The following MAML3 variants were observed in gnomAD, a reference collection of about 807,000 sequenced individuals.
MAML3 encodes the protein mastermind like transcriptional coactivator 3.
Under a neutral mutation model 101.9 loss-of-function variants are expected in MAML3, and 27 were observed. That is an observed-to-expected ratio of 0.27 (90% confidence interval 0.20 to 0.37). The LOEUF (loss-of-function observed/expected upper bound fraction) is 0.37. Among genes scored for constraint, MAML3 ranks in the 10% least tolerant of loss-of-function variants. The probability of loss-of-function intolerance (pLI) is 1.00; values close to 1 mark genes in which losing one functional copy is unlikely to be tolerated. For synonymous variants in MAML3, 501 were observed against 555.9 expected (o/e 0.90, Z 1.39); for missense variants, 1,316 against 1,444.9 (o/e 0.91, Z 1.45).
At chr4:140,067,796 C>T (rs1460935535) in intron 1 of MAML3, among the ~76,000 whole-genome samples, 6 of 148,852 alleles carry the variant, frequency 4.0e-5, no homozygotes, top group East Asian at 2.0e-4. Flanking sequence ...TGCAACAGCA[C>T]GATCTCTGCT....
chr4:139,944,715 C>T (rs1392380871), intron 1 of MAML3, among the ~76,000 whole-genome samples: 1 of 146,300 alleles, frequency 6.8e-6, no homozygotes, highest in African/African-American at 2.5e-5. Flanking sequence ...TCATCACTGG[C>T]CATCAGAGAA....
intron 1 of MAML3, among the ~76,000 whole-genome samples, chr4:140,103,505 T>C (rs1358428446): frequency 1.3e-5 from 2 of 152,226 alleles, no homozygotes. Flanking sequence ...TTTATGTGTG[T>C]GTTTGTTGTG....
intron 1 of MAML3, among the ~76,000 whole-genome samples, chr4:140,003,488 G>T (rs1461307110): frequency 1.3e-5 from 2 of 152,170 alleles, no homozygotes; most frequent in Admixed American, 6.5e-5. Context: ...CATGTCAGGG[G>T]CCAAGGATGA....
At chr4:139,832,547 C>T (rs991708902) in intron 2 of MAML3, among the ~76,000 whole-genome samples, 10 of 152,172 alleles carry the variant, frequency 6.6e-5, no homozygotes, top group South Asian at 2.1e-4. Context: ...GCACCGTCCA[C>T]CTTTATTCAC....
intron 1 of MAML3, among the ~76,000 whole-genome samples, chr4:140,061,982 T>C (rs1002485939): frequency 2.0e-5 from 3 of 152,170 alleles, no homozygotes; most frequent in Non-Finnish European, 2.9e-5. Flanking sequence ...AGGAGGAGAA[T>C]GTACAGCAAT....
chr4:140,116,148 C>T (rs565310630), intron 1 of MAML3, among the ~76,000 whole-genome samples: 6 of 152,138 alleles, frequency 3.9e-5, no homozygotes, highest in African/African-American at 1.4e-4. Flanking sequence ...CTTCCCATGC[C>T]TGCTTTATTT....
intron 1 of MAML3, among the ~76,000 whole-genome samples, chr4:140,031,287 C>A (rs967382549): frequency 5.3e-5 from 8 of 152,168 alleles, no homozygotes; most frequent in South Asian, 2.1e-4. Flanking sequence ...CATATGAAAT[C>A]ATCAGAACGT....
rs1339152280 is a variant in MAML3 at position 139,801,823 on chromosome 4, A to G, written c.2080-71156T>C. Among the ~76,000 whole-genome samples, 3 of 152,124 alleles carry G rather than the reference A, an allele frequency of 2.0e-5. No individual in the cohort carries two copies. The East Asian group carries it at 5.8e-4, about 29-fold the overall frequency. On this transcript the variant is annotated intron_variant, in intron 2 of 4. Transcript: ENST00000509479. ...GGGAAAGTTGTTAAATGAGAAGAAC[A>G]GGTGACAAACAGGAGTACAGTCTTG...
chr4:139,729,948 C>T (rs765969146), intron 3 of MAML3, among the ~76,000 whole-genome samples: 8 of 152,214 alleles, frequency 5.3e-5, no homozygotes, highest in Non-Finnish European at 1.0e-4. Context: ...GCTATTGTTC[C>T]TGATCCATTG....
At chr4:139,807,462 C>A (rs114058553) in intron 2 of MAML3, among the ~76,000 whole-genome samples, 6 of 152,224 alleles carry the variant, frequency 3.9e-5, no homozygotes, top group Non-Finnish European at 8.8e-5. Flanking sequence ...CTACACATGC[C>A]GGCCTGTTAA....
chr4:140,047,393 G>T (rs1378086100), intron 1 of MAML3, among the ~76,000 whole-genome samples: 4 of 152,168 alleles, frequency 2.6e-5, no homozygotes, highest in Non-Finnish European at 4.4e-5. Flanking sequence ...AAGAAGAGAA[G>T]CAAGAGGAGC....
intron 1 of MAML3, among the ~76,000 whole-genome samples, chr4:139,924,375 T>C (rs891533784): frequency 3.9e-5 from 6 of 152,330 alleles, no homozygotes; most frequent in African/African-American, 1.4e-4. Context: ...AAGAAGGTAT[T>C]TTACCCTCAA....
intron 1 of MAML3, among the ~76,000 whole-genome samples, chr4:140,147,256 C>T (rs1729080671): frequency 6.6e-6 from 1 of 151,648 alleles, no homozygotes; most frequent in Non-Finnish European, 1.5e-5. Flanking sequence ...AGTATCTTAA[C>T]TTCCATGAAA....
intron 2 of MAML3, among the ~76,000 whole-genome samples, chr4:139,736,302 A>G (rs1728944003): frequency 1.3e-5 from 2 of 152,204 alleles, no homozygotes; most frequent in Admixed American, 1.3e-4. Context: ...AAGTTTTATT[A>G]GTAAGTTTGA....
intron 1 of MAML3, among the ~76,000 whole-genome samples, chr4:139,993,937 A>G (rs1734753293): frequency 6.6e-6 from 1 of 152,234 alleles, no homozygotes; most frequent in Admixed American, 6.5e-5. Flanking sequence ...CCCAGGTAAC[A>G]AAGATTTTCT....
intron 1 of MAML3, among the ~76,000 whole-genome samples, chr4:139,988,514 A>T (rs1421673830): frequency 6.6e-6 from 1 of 152,144 alleles, no homozygotes; most frequent in Non-Finnish European, 1.5e-5. Flanking sequence ...ACAAGCAAAA[A>T]TTCCCGTTTC....
intron 1 of MAML3, among the ~76,000 whole-genome samples, chr4:140,079,626 C>T (rs930623624): frequency 6.6e-6 from 1 of 152,108 alleles, no homozygotes; most frequent in Non-Finnish European, 1.5e-5. Flanking sequence ...TTCCTCCTTG[C>T]ATTGGGAAAC....
In MAML3 at chr4:140,153,084, C is replaced by T. The variant is rs931430833; in HGVS notation, c.244G>A (p.Glu82Lys). The T allele has an allele frequency of 1.3e-6, 2 of 1,556,848 alleles. No individual in the cohort carries two copies. The highest frequency in any genetic ancestry group is 2.4e-5 in the East Asian group (1 of 41,278). The change falls in exon 1 of 5, where the codon GAG (glutamate) becomes AAG (lysine). Residue 82 changes from glutamate (E) to lysine (K), a missense_variant. Physicochemically the swap from Glu to Lys is moderately conservative, Grantham distance 56. Coordinates refer to ENST00000509479, the MANE Select transcript of MAML3 (RefSeq NM_018717.5). ...TTGACGTGGTGCCGACGGCAGCCCT[C>T]GATGCGCTGGCGGAGCCGCTCCACC... Reference protein sequence around the residue: ...TVVERLRQRIEGCRRHHVNCE... With the variant: ...TVVERLRQRIKGCRRHHVNCE...
At chr4:139,778,085 C>T (rs374571724) in intron 2 of MAML3, among the ~76,000 whole-genome samples, 41 of 152,166 alleles carry the variant, frequency 2.7e-4, no homozygotes, top group African/African-American at 7.7e-4. Context: ...TTGTTCATGA[C>T]GGTATTCTCA....
Sources: allele counts gnomAD v4.1 joint callset (sites outside exome capture counted in the v4.1 genomes callset), GRCh38; gene constraint gnomAD v4.1.1; transcripts MANE v1.5; gene names NCBI Gene and HGNC (gene_info 2026-07-23, HGNC 2026-07-21).